PDE4D: variants seen among roughly 807,000 people sequenced by gnomAD.
PDE4D encodes the protein phosphodiesterase 4D.
A neutral mutation model predicts 87.4 loss-of-function variants in PDE4D; 24 were observed. The ratio of observed to expected loss-of-function variants is 0.27; its 90% confidence interval spans 0.20 to 0.39. The LOEUF is 0.39. PDE4D is among the 10% of genes least tolerant of loss of function. The probability of loss-of-function intolerance (pLI) is 1.00; values close to 1 mark genes in which losing one functional copy is unlikely to be tolerated. For synonymous variants in PDE4D, 384 were observed against 383.2 expected (o/e 1.00, Z -0.02); for missense variants, 714 against 1,041.0 (o/e 0.69, Z 4.32).
At chr5:60,408,575 G>T (rs923836527) in intron 1 of PDE4D, among the ~76,000 whole-genome samples, 3 of 152,130 alleles carry the variant, frequency 2.0e-5, no homozygotes, top group Non-Finnish European at 2.9e-5. Flanking sequence ...TTAATCATAT[G>T]CAAATGGAGG....
rs115060368 is a variant in PDE4D, at chr5:59,850,796, G to A, written c.455+42372C>T. Among the ~76,000 whole-genome samples, 1,267 of 152,152 alleles carry A rather than the reference G, an allele frequency of 8.3e-3. 19 individuals are homozygous for A. Among genetic ancestry groups the A allele is most frequent in the African/African-American group, 0.029 (1,214 of 41,540 alleles). Reference sequence around the variant, plus strand: ...CAAGGACAGGACTTATAAAGCTACCGCAGAGGTCCAATAGGAGATGAGAAC... The same window carrying A: ...CAAGGACAGGACTTATAAAGCTACCACAGAGGTCCAATAGGAGATGAGAAC... On this transcript the variant is annotated intron_variant, in intron 1 of 14. Coordinates refer to ENST00000340635, the MANE Select transcript of PDE4D (RefSeq NM_001104631.2).
At chr5:59,354,291 A>G (rs1395447634) in intron 1 of PDE4D, among the ~76,000 whole-genome samples, 2 of 152,206 alleles carry the variant, frequency 1.3e-5, no homozygotes, top group African/African-American at 4.8e-5. Flanking sequence ...AGGTCAAGAT[A>G]AGCTTAAGTT....
At chr5:59,061,416 T>C (rs561585700) in intron 5 of PDE4D, among the ~76,000 whole-genome samples, 1 of 152,262 alleles carries the variant, frequency 6.6e-6, no homozygotes, top group South Asian at 2.1e-4. Context: ...CCTAGAACAG[T>C]GCCCCTCAAT....
At chr5:59,196,972 A>G (rs978938455) in intron 2 of PDE4D, among the ~76,000 whole-genome samples, 3 of 152,158 alleles carry the variant, frequency 2.0e-5, no homozygotes, top group African/African-American at 7.2e-5. Flanking sequence ...GAGGCAGTTC[A>G]GATAACCAAA....
At chr5:59,095,113 C>G (rs1769455031) in intron 5 of PDE4D, among the ~76,000 whole-genome samples, 1 of 151,874 alleles carries the variant, frequency 6.6e-6, no homozygotes, top group Admixed American at 6.6e-5. Context: ...CAGTTTTGCT[C>G]AGACTTTGTA....
chr5:60,357,451 T>C (rs1026979724), intron 1 of PDE4D, among the ~76,000 whole-genome samples: 2 of 152,250 alleles, frequency 1.3e-5, no homozygotes, highest in African/African-American at 2.4e-5. Context: ...ATGCCTTCTT[T>C]CAATTCATTT....
intron 5 of PDE4D, among the ~76,000 whole-genome samples, chr5:59,120,191 A>C (rs1448628258): frequency 6.6e-6 from 1 of 152,214 alleles, no homozygotes; most frequent in Non-Finnish European, 1.5e-5. Flanking sequence ...ATGCAAATTG[A>C]AATCAAATCA....
At chr5:58,993,881 TA>T (rs1748526114) in intron 6 of PDE4D, among the ~76,000 whole-genome samples, 1 of 152,174 alleles carries the variant, frequency 6.6e-6, no homozygotes, top group African/African-American at 2.4e-5. Context: ...TATTATTAGT[TA>T]TTTAGAGAAG....
chr5:60,143,892 T>C (rs554531104), intron 2 of PDE4D, among the ~76,000 whole-genome samples: 1 of 152,264 alleles, frequency 6.6e-6, no homozygotes, highest in African/African-American at 2.4e-5. Context: ...GAGAGCTTGG[T>C]GGGCTCAGTG....
At chr5:59,264,327 G>T (rs1476515010) in intron 1 of PDE4D, among the ~76,000 whole-genome samples, 1 of 152,032 alleles carries the variant, frequency 6.6e-6, no homozygotes, top group Non-Finnish European at 1.5e-5. Context: ...TTTAAACAAT[G>T]CAGACTGTCT....
At chr5:60,121,877 C>T (rs1778717123) in intron 2 of PDE4D, among the ~76,000 whole-genome samples, 1 of 152,138 alleles carries the variant, frequency 6.6e-6, no homozygotes, top group South Asian at 2.1e-4. Flanking sequence ...CACCTATGAG[C>T]CCGTAAAATC....
intron 3 of PDE4D, among the ~76,000 whole-genome samples, chr5:59,985,742 G>A (rs577786593): frequency 5.9e-5 from 9 of 152,214 alleles, no homozygotes; most frequent in Non-Finnish European, 1.3e-4. Flanking sequence ...TATATGTAGG[G>A]GATTGGTTTC....
At chr5:59,877,502 A>G (rs1581550604) in intron 1 of PDE4D, among the ~76,000 whole-genome samples, 1 of 91,148 alleles carries the variant, frequency 1.1e-5, no homozygotes, top group South Asian at 3.7e-4. Flanking sequence ...AAAAAAAAAG[A>G]AGAAGAACAA....
chr5:60,222,576 C>A (rs1248490942), intron 1 of PDE4D, among the ~76,000 whole-genome samples: 1 of 152,040 alleles, frequency 6.6e-6, no homozygotes, highest in Admixed American at 6.6e-5. Context: ...GAACGTTTTC[C>A]GAGTTGGGTA....
At chr5:60,247,210 T>C (rs1284936261) in intron 1 of PDE4D, among the ~76,000 whole-genome samples, 1 of 152,002 alleles carries the variant, frequency 6.6e-6, no homozygotes, top group Non-Finnish European at 1.5e-5. Context: ...GTGAGACTAA[T>C]AATACTGTCC....
intron 3 of PDE4D, among the ~76,000 whole-genome samples, chr5:59,189,453 TTTCTC>T (rs1458811814): frequency 1.3e-5 from 2 of 152,092 alleles, no homozygotes; most frequent in Non-Finnish European, 2.9e-5. Context: ...GTTTTCCTGT[TTTCTC>T]TTTCTTTCAT....
chr5:60,251,451 C>T (rs1165222083), intron 1 of PDE4D, among the ~76,000 whole-genome samples: 2 of 151,922 alleles, frequency 1.3e-5, no homozygotes, highest in African/African-American at 2.4e-5. Flanking sequence ...TAAGTGAGAA[C>T]ATGCAGTATT....
At chr5:59,141,223 A>G (rs1473809758) in intron 5 of PDE4D, among the ~76,000 whole-genome samples, 7 of 152,244 alleles carry the variant, frequency 4.6e-5, no homozygotes, top group Non-Finnish European at 1.0e-4. Flanking sequence ...AATATTTCAG[A>G]GTAATGTATA....
At chr5:60,105,548 G>T (rs1334355677) in intron 2 of PDE4D, among the ~76,000 whole-genome samples, 1 of 152,038 alleles carries the variant, frequency 6.6e-6, no homozygotes, top group Admixed American at 6.5e-5. Flanking sequence ...ACACCTCCAA[G>T]ACGCATAATT....
Sources: allele counts gnomAD v4.1 joint callset (sites outside exome capture counted in the v4.1 genomes callset), GRCh38; gene constraint gnomAD v4.1.1; transcripts MANE v1.5; gene names NCBI Gene and HGNC (gene_info 2026-07-23, HGNC 2026-07-21).